Variants in PHEX observed in about 807,000 individuals in gnomAD.
The protein encoded by PHEX is phosphate regulating endopeptidase X-linked.
In PHEX, 16 loss-of-function variants were observed where a neutral mutation model predicts 68.0. That is an observed-to-expected ratio of 0.24 (90% CI 0.16 to 0.36). The LOEUF (loss-of-function observed/expected upper bound fraction) is 0.36, where lower values mean the gene tolerates loss of function less well. PHEX is among the 10% of genes least tolerant of loss of function. The pLI is 1.00. For missense variants in PHEX, 480 were observed against 575.5 expected, an observed-to-expected ratio of 0.83 and a Z score of 1.70; for synonymous variants, 208 against 205.1, an observed-to-expected ratio of 1.01 and a Z score of -0.12.
intron 5 of PHEX, among the ~76,000 whole-genome samples, chrX:22,079,341 A>C (rs1234162657): frequency 8.9e-6 from 1 of 112,170 alleles, no homozygotes; most frequent in Non-Finnish European, 1.9e-5. Flanking sequence ...TGTATCCATC[A>C]ACCCAGCTTC....
chrX:22,165,849 T>C (rs1469604000), intron 12 of PHEX, among the ~76,000 whole-genome samples: 3 of 112,216 alleles, frequency 2.7e-5, no homozygotes, highest in African/African-American at 6.5e-5. Flanking sequence ...AAGGGCCAGA[T>C]AAAATATTTG....
intron 12 of PHEX, among the ~76,000 whole-genome samples, chrX:22,146,833 A>T (rs1435669074): frequency 1.1e-5 from 1 of 94,428 alleles, no homozygotes; most frequent in East Asian, 6.2e-4. Context: ...ATAAATAAAT[A>T]AAATAAAATT....
At chrX:22,188,126 T>G (rs1934088989) in intron 14 of PHEX, among the ~76,000 whole-genome samples, 1 of 112,402 alleles carries the variant, frequency 8.9e-6, no homozygotes, top group African/African-American at 3.2e-5. Flanking sequence ...GTTTACCAAC[T>G]AGTATCAATA....
chrX:22,193,565 G>C (rs1451113386), intron 15 of PHEX, among the ~76,000 whole-genome samples: 1 of 111,813 alleles, frequency 8.9e-6, no homozygotes, highest in Admixed American at 9.5e-5. Flanking sequence ...AAACAACTGC[G>C]ATTTTTCAGT....
chrX:22,179,504 T>C (rs1031311496), intron 14 of PHEX, among the ~76,000 whole-genome samples: 2 of 106,902 alleles, frequency 1.9e-5, no homozygotes, highest in Admixed American at 2.0e-4. Context: ...CCTAAGTCTC[T>C]AAAGTCCACT....
At position 22,133,548 on chromosome X, in the gene PHEX, G is replaced by A. The variant is rs1285918997; in HGVS notation, c.1328G>A (p.Arg443His). The change falls in exon 12 of 22, where the codon CGC (arginine) becomes CAC (histidine). Residue 443 changes from arginine (R) to histidine (H), a missense_variant. Transcript: ENST00000379374. Reference sequence around the variant, plus strand: ...ATGGAGGAATTGGTTGAGGGCGTTCGCTGGGCCTTTATTGACATGCTAGAG... The same window carrying A: ...ATGGAGGAATTGGTTGAGGGCGTTCACTGGGCCTTTATTGACATGCTAGAG... ...EMMEELVEGV[R>H]WAFIDMLEKE... The A allele has an allele frequency of 3.3e-6, 4 of 1,208,503 alleles. No homozygotes were observed. The highest frequency in any genetic ancestry group is 3.4e-6 in the Non-Finnish European group (3 of 892,798).
chrX:22,160,628 C>T (rs1269239580), intron 12 of PHEX, among the ~76,000 whole-genome samples: 1 of 109,850 alleles, frequency 9.1e-6, no homozygotes, highest in African/African-American at 3.3e-5. Flanking sequence ...ATCAGATCTC[C>T]TGAGACTTAC....
rs1178030244 is a variant in PHEX at position 22,038,470 on chromosome X, G to T, written c.120G>T (p.Val40=). The change falls in exon 2 of 22, where the codon GTG becomes GTT. Residue 40 remains valine (V), a splice_region_variant and synonymous_variant. Transcript: ENST00000379374. ...ATTTATTGTGGTCTGTTTTTTCAGT[G>T]AGTCAAGGTCTCTTAAGTCTCCAAG... ...TLVLGTILFL[V]SQGLLSLQAK... is the part of the protein sequence containing the mutation. 3 of 1,185,091 alleles carry T rather than the reference G, an allele frequency of 2.5e-6. No individual in the cohort carries two copies. In the African/African-American group the frequency reaches 5.3e-5, roughly 21 times the overall value.
At chrX:22,081,708 G>A (rs1159092689) in intron 5 of PHEX, among the ~76,000 whole-genome samples, 1 of 111,535 alleles carries the variant, frequency 9.0e-6, no homozygotes, top group East Asian at 2.8e-4. Context: ...GCGTACTTCT[G>A]CAAAGCTCCC....
rs1182752837 is a variant in PHEX at position 22,073,635 on chromosome X, GTTTTTTTTTT to G, written c.350-2735_350-2726del. 2.9e-3 allele frequency among the ~76,000 whole-genome samples: 156 copies of G among 53,215 alleles called. 1 individual carries two copies. The highest frequency in any genetic ancestry group is 8.8e-3 in the African/African-American group (115 of 13,016). The allele number at this position is 53,215 out of a possible 115,157, so 46.2% of individuals were successfully genotyped here. On this transcript the variant is annotated intron_variant, in intron 3 of 21. Transcript: ENST00000379374. ...AAAGTCTGAGGTTTGCTGTGCTATA[GTTTTTTTTTT>G]TTTTTTTTTTTTTTTTTGGAAACAC...
intron 12 of PHEX, 25 bp downstream of exon 12, chrX:22,133,649 A>G: frequency 1.9e-6 from 2 of 1,073,052 alleles, no homozygotes; most frequent in South Asian, 3.8e-5. Context: ...TGATGAAAAA[A>G]AAATAAGACT....
At chrX:22,240,052 C>T (rs994651643) in intron 20 of PHEX, among the ~76,000 whole-genome samples, 2 of 112,241 alleles carry the variant, frequency 1.8e-5, no homozygotes, top group Admixed American at 9.4e-5. Context: ...TCGGCAGAAA[C>T]CCTACAAGCC....
intron 10 of PHEX, among the ~76,000 whole-genome samples, chrX:22,112,195 G>A (rs1931002056): frequency 9.0e-6 from 1 of 110,560 alleles, no homozygotes; most frequent in Non-Finnish European, 1.9e-5. Context: ...GCCCAGGCTT[G>A]TCTTGAACTC....
chrX:22,234,728 G>C (rs1295854006), intron 20 of PHEX, among the ~76,000 whole-genome samples: 1 of 109,355 alleles, frequency 9.1e-6, no homozygotes, highest in Non-Finnish European at 1.9e-5. Flanking sequence ...GACCCGCCAA[G>C]CCAGACCACT....
Position 22,072,643 on chromosome X carries a change from C to T in PHEX, c.350-3745C>T, listed in dbSNP as rs1928956436. Among the ~76,000 whole-genome samples the T allele has an allele frequency of 3.6e-5, 4 of 111,898 alleles. No individual in the cohort carries two copies. The Admixed American group carries it at 3.8e-4, about 11-fold the overall frequency. On this transcript the variant is annotated intron_variant, in intron 3 of 21. Transcript: ENST00000379374. The stretch of plus-strand genomic sequence containing the variant: ...ACGTAGAATATAGAAAGCACTTCTA[C>T]AAATCAATAACAAAAAGGTAGATTG...
At chrX:22,081,901 C>T (rs748476442) in intron 5 of PHEX, among the ~76,000 whole-genome samples, 68 of 111,488 alleles carry the variant, frequency 6.1e-4, no homozygotes, top group Non-Finnish European at 1.1e-3. Flanking sequence ...TATATGTGAT[C>T]CTGAAAGAGT....
chrX:22,188,601 T>C (rs774399192), intron 14 of PHEX, among the ~76,000 whole-genome samples: 4 of 112,365 alleles, frequency 3.6e-5, no homozygotes, highest in Admixed American at 9.4e-5. Flanking sequence ...TTTTTTGTTT[T>C]TGTTTTTTAA....
intron 1 of PHEX, 51 bp from the exon 2 acceptor site, chrX:22,038,418 C>A (rs770769980): frequency 1.2e-6 from 1 of 803,643 alleles, no homozygotes; most frequent in Non-Finnish European, 1.9e-6. Context: ...GGTGGTTTAC[C>A]GGATGGTGGT....
At chrX:22,228,990 T>C (rs907203182) in intron 20 of PHEX, among the ~76,000 whole-genome samples, 6 of 111,803 alleles carry the variant, frequency 5.4e-5, no homozygotes, top group African/African-American at 2.0e-4. Context: ...GGTTTGGTTT[T>C]CTGTTCTTGT....
Sources: gnomAD v4.1 joint callset for allele counts (sites outside exome capture counted in the v4.1 genomes callset) on GRCh38, gnomAD v4.1.1 for gene constraint, MANE v1.5 for transcripts, NCBI Gene and HGNC (gene_info 2026-07-23, HGNC 2026-07-21) for gene names.